The following GFOD2 variants were observed in gnomAD, a reference collection of about 807,000 sequenced individuals.
GFOD2 encodes the protein glucose-fructose oxidoreductase domain-containing protein 2.
A neutral mutation model predicts 24.6 loss-of-function variants in GFOD2; 9 were observed. That is an observed-to-expected ratio of 0.37 (90% confidence interval 0.22 to 0.64). The LOEUF (loss-of-function observed/expected upper bound fraction) is 0.64, where lower values mean the gene tolerates loss of function less well. GFOD2 is among the 30% of genes least tolerant of loss of function. The pLI, the probability that GFOD2 is intolerant of heterozygous loss-of-function variation, is 0.65. For missense variants in GFOD2, 476 were observed against 532.5 expected (o/e 0.89, Z 1.04); for synonymous variants, 211 against 224.8 (o/e 0.94, Z 0.55).
chr16:67,678,476 C>CAAAAAAA (rs144320358), intron 2 of GFOD2, among the ~76,000 whole-genome samples: 5 of 74,884 alleles, frequency 6.7e-5, no homozygotes, highest in African/African-American at 1.2e-4. Flanking sequence ...AACTCTGTCT[C>CAAAAAAA]AAAAAAAAAA....
Position 67,685,628 on chromosome 16 carries a change from C to T in GFOD2, c.88G>A (p.Val30Ile). ...TCAGTCTTCCCCCACAGGGCCTCAA[C>T]AGTGAACCCTTCTGCCCTCAGCAGT... ...VPLLRAEGFT[V>I]EALWGKTEEE... The change falls in exon 2 of 3, where the codon GTT (valine) becomes ATT (isoleucine). Residue 30 changes from valine to isoleucine, a missense_variant. Transcript: ENST00000268797. The T allele has an allele frequency of 6.2e-7, 1 of 1,614,218 alleles. No homozygotes were observed. The highest frequency in any genetic ancestry group is 1.1e-5 in the South Asian group (1 of 91,088).
At chr16:67,712,983 A>G (rs1459988121) in intron 1 of GFOD2, among the ~76,000 whole-genome samples, 1 of 132,028 alleles carries the variant, frequency 7.6e-6, no homozygotes, top group Non-Finnish European at 1.5e-5. Context: ...CTCAAGTTCA[A>G]GTGATTTTCC....
At chr16:67,693,861 A>G (rs2053335213) in intron 1 of GFOD2, among the ~76,000 whole-genome samples, 1 of 151,976 alleles carries the variant, frequency 6.6e-6, no homozygotes, top group East Asian at 1.9e-4. Flanking sequence ...TTCAGGCTAT[A>G]GTGGGTTATG....
chr16:67,676,168 T>G (rs1221303975), intron 2 of GFOD2, 115 bp from the exon 3 acceptor site: 31 of 1,088,808 alleles, frequency 2.8e-5, no homozygotes, highest in Non-Finnish European at 9.0e-6. Context: ...ACTAATTTTT[T>G]TTTCTTTTTT....
Position 67,694,202 on chromosome 16 carries a change from C to T in GFOD2, c.-87-8400G>A, listed in dbSNP as rs888039995. Among the ~76,000 whole-genome samples, 7 of 151,976 alleles carry T rather than the reference C, an allele frequency of 4.6e-5. No individual in the cohort carries two copies. In the East Asian group the frequency reaches 5.8e-4, roughly 13 times the overall value. On this transcript the variant is annotated intron_variant, in intron 1 of 2. Coordinates refer to ENST00000268797, the MANE Select transcript of GFOD2 (RefSeq NM_030819.4). The stretch of plus-strand genomic sequence containing the variant: ...AGTAGAGACAGGGTTTCACCATGTT[C>T]GCCAGGCTGGTCTCAAACTCCTGAC...
chr16:67,683,623 C>G, intron 2 of GFOD2: 1 of 1,231,762 alleles, frequency 8.1e-7, no homozygotes, highest in Non-Finnish European at 1.0e-6. Flanking sequence ...CTTACTTGCT[C>G]CAAATTGACA....
At chr16:67,693,931 C>G (rs1158724838) in intron 1 of GFOD2, among the ~76,000 whole-genome samples, 1 of 151,336 alleles carries the variant, frequency 6.6e-6, no homozygotes, top group Non-Finnish European at 1.5e-5. Context: ...GTCTCAAAAA[C>G]AAAAAACAAA....
chr16:67,685,118 T>G, intron 2 of GFOD2: 1 of 1,305,096 alleles, frequency 7.7e-7, no homozygotes, highest in Non-Finnish European at 9.8e-7. Context: ...ACAAACACAC[T>G]AGTCACAACC....
At chr16:67,707,789 G>A (rs1170962809) in intron 1 of GFOD2, among the ~76,000 whole-genome samples, 19 of 152,080 alleles carry the variant, frequency 1.2e-4, no homozygotes. Flanking sequence ...GGCCTCAAGT[G>A]ATCCCCCTGC....
At chr16:67,719,117 CCA>C (rs1254619552) in intron 1 of GFOD2, 44 bp downstream of exon 1, 1 of 152,418 alleles carries the variant, frequency 6.6e-6, no homozygotes, top group African/African-American at 2.4e-5. Context: ...CCCGGCCGCG[CCA>C]TGCCCTCTTT....
chr16:67,694,991 T>TA (rs2053347725), intron 1 of GFOD2, among the ~76,000 whole-genome samples: 1 of 114,278 alleles, frequency 8.8e-6, no homozygotes. Flanking sequence ...CTCTCTCTTT[T>TA]TTTTTTTTTT....
At chr16:67,712,256 GCTCCCTCTCCCT>G (rs1295250419) in intron 1 of GFOD2, among the ~76,000 whole-genome samples, 2 of 122,790 alleles carry the variant, frequency 1.6e-5, no homozygotes, top group African/African-American at 6.8e-5. Context: ...GTAATAAAGA[GCTCCCTCTCCCT>G]CTCCCTCTCC....
At chr16:67,706,636 T>TCA (rs565535311) in intron 1 of GFOD2, among the ~76,000 whole-genome samples, 2 of 152,116 alleles carry the variant, frequency 1.3e-5, no homozygotes, top group Non-Finnish European at 2.9e-5. Context: ...CTTTTTGAAA[T>TCA]CATGGGGTAA....
At chr16:67,688,502 TGTC>T (rs1323787753) in intron 1 of GFOD2, among the ~76,000 whole-genome samples, 1 of 152,128 alleles carries the variant, frequency 6.6e-6, no homozygotes, top group Admixed American at 6.6e-5. Flanking sequence ...TTGGGATCAA[TGTC>T]GTGGGAAAAC....
chr16:67,709,306 GA>G lies in GFOD2; in HGVS notation c.-88+9856del, dbSNP rs576502749. On this transcript the variant is annotated intron_variant, in intron 1 of 2. Coordinates refer to ENST00000268797, the MANE Select transcript of GFOD2 (RefSeq NM_030819.4). ...CTGGGCAACAGAGCCTATCTCAAAA[GA>G]AAAAAAAAAAAAAGATTGGGACATT... Among the ~76,000 whole-genome samples, 1,101 of 121,372 alleles carry G rather than the reference GA, an allele frequency of 9.1e-3. 16 individuals are homozygous for G. The highest frequency in any genetic ancestry group is 0.027 in the African/African-American group (898 of 32,998). 79.6% of individuals were successfully genotyped at this position (121,372 alleles called of 152,430 possible).
intron 2 of GFOD2, chr16:67,683,649 GTTCT>G: frequency 8.1e-7 from 1 of 1,231,652 alleles, no homozygotes; most frequent in East Asian, 3.2e-5. Flanking sequence ...ACAGACTGAA[GTTCT>G]TTCTCACTTC....
At chr16:67,713,481 A>G (rs893443197) in intron 1 of GFOD2, among the ~76,000 whole-genome samples, 1 of 152,134 alleles carries the variant, frequency 6.6e-6, no homozygotes, top group African/African-American at 2.4e-5. Context: ...CCGACTTCCA[A>G]TGCCATCAAA....
chr16:67,695,959 C>T (rs1367423150), intron 1 of GFOD2, among the ~76,000 whole-genome samples: 1 of 152,112 alleles, frequency 6.6e-6, no homozygotes, highest in African/African-American at 2.4e-5. Flanking sequence ...TCCTTCTCAC[C>T]CTAGTTGTAT....
intron 1 of GFOD2, among the ~76,000 whole-genome samples, chr16:67,700,708 T>C (rs2053396458): frequency 1.3e-5 from 2 of 150,646 alleles, no homozygotes. Context: ...CAAGACTCCA[T>C]CTCAAAAAAA....
Sources: gnomAD v4.1 joint callset for allele counts (sites outside exome capture counted in the v4.1 genomes callset) on GRCh38, gnomAD v4.1.1 for gene constraint, MANE v1.5 for transcripts, NCBI Gene and HGNC (gene_info 2026-07-23, HGNC 2026-07-21) for gene names.